MYH11: variants seen among roughly 807,000 people sequenced by gnomAD.
MYH11 encodes the protein myosin heavy chain 11, also known as myosin-11.
Under a neutral mutation model 246.6 loss-of-function variants are expected in MYH11, and 80 were observed. The observed-to-expected ratio is 0.32, with a 90% confidence interval of 0.27 to 0.39. The LOEUF is 0.39. Ranked by LOEUF, MYH11 falls within the 10% of genes least tolerant of loss-of-function variation. MYH11 has a pLI of 1.00. For synonymous variants in MYH11, 1,071 were observed against 1,015.5 expected (o/e 1.05, Z -1.04); for missense variants, 2,158 against 2,546.8 (o/e 0.85, Z 3.29).
chr16:15,721,680 A>G lies in MYH11; in HGVS notation c.4366-46T>C, dbSNP rs368134082. On this transcript the variant is annotated intron_variant, in intron 31 of 40. Coordinates refer to ENST00000300036, the MANE Select transcript of MYH11 (RefSeq NM_002474.3). ...GTGACTTCTAGGCATATCCGGGGTCAGCGTCACTGAATTGTAAATACCGGG... is the reference window on the plus strand; with the variant it reads ...GTGACTTCTAGGCATATCCGGGGTCGGCGTCACTGAATTGTAAATACCGGG... 2.2e-5 allele frequency: 35 copies of G among 1,597,124 alleles called. No homozygotes were observed. The African/African-American group carries it at 4.4e-4, about 20-fold the overall frequency.
chr16:15,733,403 TTA>T (rs1239210335), intron 26 of MYH11, among the ~76,000 whole-genome samples: 2 of 151,282 alleles, frequency 1.3e-5, no homozygotes, highest in African/African-American at 2.4e-5. Flanking sequence ...CCGGCTAATT[TTA>T]TATTTTTAGT....
intron 27 of MYH11, among the ~76,000 whole-genome samples, chr16:15,730,976 G>A (rs2040943481): frequency 6.6e-6 from 1 of 151,920 alleles, no homozygotes; most frequent in African/African-American, 2.4e-5. Context: ...ATCAAATAAT[G>A]ACAAGTTTCC....
intron 4 of MYH11, among the ~76,000 whole-genome samples, chr16:15,797,002 C>G (rs1484621316): frequency 1.3e-5 from 2 of 152,170 alleles, no homozygotes; most frequent in East Asian, 1.9e-4. Context: ...AATCCTCTTC[C>G]CTTTCCCCAC....
rs371637765 is a variant in MYH11, at chr16:15,764,763, G to A, written c.1034-872C>T. Among the ~76,000 whole-genome samples, 14 of 152,204 alleles carry A rather than the reference G, an allele frequency of 9.2e-5. No individual in the cohort carries two copies. The East Asian group carries it at 1.5e-3, about 17-fold the overall frequency. On this transcript the variant is annotated intron_variant, in intron 9 of 40. Coordinates refer to ENST00000300036, the MANE Select transcript of MYH11 (RefSeq NM_002474.3). ...TTTATAATAATTCTTTGCACTGCAC[G>A]CTATGGCATACACAATTTTCTCCAT...
At chr16:15,748,342 T>C in intron 16 of MYH11, among the ~76,000 whole-genome samples, 174 bp from the exon 17 acceptor site, 1 of 152,196 alleles carries the variant, frequency 6.6e-6, no homozygotes, top group East Asian at 1.9e-4. Flanking sequence ...CCTCTGGGTT[T>C]TCATCTCTTT....
At position 15,719,219 on chromosome 16, in the gene MYH11, C is replaced by T. The variant is rs2040334903; in HGVS notation, c.5171+1G>A. 2 of 1,613,670 alleles carry T rather than the reference C, an allele frequency of 1.2e-6. No individual in the cohort carries two copies. The highest frequency in any genetic ancestry group is 1.7e-6 in the Non-Finnish European group (2 of 1,179,966). ...CCCTCTTCCTCCATTCAGTTTCCTA[C>T]CTTCCCGACAGGCTACTGGCCAGCT... On this transcript the variant is annotated splice_donor_variant, in intron 36 of 40. Transcript: ENST00000300036. LOFTEE classifies it high-confidence loss of function.
At chr16:15,718,826 G>T in intron 36 of MYH11, 2 of 406,684 alleles carry the variant, frequency 4.9e-6, no homozygotes, top group South Asian at 4.7e-5. Flanking sequence ...GTCAGCAGCA[G>T]CATTGAAATG....
chr16:15,800,928 G>A (rs189680070), intron 3 of MYH11, among the ~76,000 whole-genome samples: 2 of 152,222 alleles, frequency 1.3e-5, no homozygotes, highest in East Asian at 1.9e-4. Flanking sequence ...TAGGCAGGCC[G>A]GGCGCAGTGG....
chr16:15,823,707 C>T lies in MYH11; in HGVS notation c.346-296G>A, dbSNP rs147801884. Among the ~76,000 whole-genome samples, 1,463 of 152,222 alleles carry T rather than the reference C, an allele frequency of 9.6e-3. 16 individuals are homozygous for T. Among genetic ancestry groups the T allele is most frequent in the South Asian group, 0.027 (128 of 4,828 alleles). ...TGGTGTGAACGTGACTCACTGAAACCTTGACCTTTCTGGACTCAGGTGATC... is the reference window on the plus strand; with the variant it reads ...TGGTGTGAACGTGACTCACTGAAACTTTGACCTTTCTGGACTCAGGTGATC... On this transcript the variant is annotated intron_variant, in intron 2 of 40. Transcript: ENST00000300036.
chr16:15,737,728 A>C, intron 24 of MYH11, 108 bp from the exon 25 acceptor site: 2 of 1,110,304 alleles, frequency 1.8e-6, no homozygotes, highest in Non-Finnish European at 2.7e-6. Context: ...ACATCCCCCA[A>C]TCAGTAACCA....
rs748516947 is a variant in MYH11, at chr16:15,714,963, G to T, written c.5732C>A (p.Thr1911Lys). The stretch of plus-strand genomic sequence containing the variant: ...GCGGCCCATGGCCTCGTTGCTCTCC[G>T]TGGCCTCATCCAGCTCCCGCTGCAG... ...RKLQRELDEATESNEAMGREV... is the reference protein window; with the variant it reads ...RKLQRELDEAKESNEAMGREV... Residue 1911 changes from threonine (T) to lysine (K), a missense_variant, in exon 40 of 41, where the codon ACG becomes AAG. By Grantham distance (78) the Thr-to-Lys change is moderately conservative (BLOSUM62 -1). Around this residue, in one of 11 missense-constraint regions of MYH11, gnomAD observed 1,013 missense variants for 993.5 expected, o/e 1.02. Coordinates refer to ENST00000300036, the MANE Select transcript of MYH11 (RefSeq NM_002474.3). 7 of 1,614,068 alleles carry T rather than the reference G, an allele frequency of 4.3e-6. No homozygotes were observed. Among genetic ancestry groups the T allele is most frequent in the Admixed American group, 1.7e-5 (1 of 60,020 alleles).
Position 15,720,263 on chromosome 16 carries a change from A to T in MYH11, c.4841T>A (p.Leu1614Gln). 6.2e-7 allele frequency: 1 copy of T among 1,614,106 alleles called. No individual in the cohort carries two copies. The highest frequency in any genetic ancestry group is 8.5e-7 in the Non-Finnish European group (1 of 1,180,004). Residue 1614 changes from leucine (L) to glutamine (Q), a missense_variant, in exon 34 of 41, where the codon CTG becomes CAG. Leu to Gln is a moderately radical substitution (Grantham distance 113). This residue lies in a region of MYH11 where 1,013 missense variants were observed against 993.5 expected (regional missense o/e 1.02). Transcript: ENST00000300036. Reference protein sequence around the residue: ...ELEDERKQRALAAAAKKKLEG... With the variant: ...ELEDERKQRAQAAAAKKKLEG... The stretch of plus-strand genomic sequence containing the variant: ...CAGCTTCTTCTTTGCTGCAGCTGCC[A>T]GGGCACGTTGCTTTCGCTCGTCTTC...
At chr16:15,746,717 C>T (rs538027395) in intron 19 of MYH11, among the ~76,000 whole-genome samples, 1 of 152,284 alleles carries the variant, frequency 6.6e-6, no homozygotes, top group Admixed American at 6.5e-5. Context: ...CCCTCCAAAA[C>T]CCTGCCTTAT....
chr16:15,775,853 T>A, intron 8 of MYH11: 1 of 598,410 alleles, frequency 1.7e-6, no homozygotes. Context: ...TAATTGGAGT[T>A]GATGGCTACT....
At chr16:15,764,588 G>C (rs1896615547) in intron 9 of MYH11, among the ~76,000 whole-genome samples, 2 of 152,154 alleles carry the variant, frequency 1.3e-5, no homozygotes, top group African/African-American at 4.8e-5. Context: ...GTCCATTCAA[G>C]AAGAGGCAAA....
chr16:15,725,701 C>T (rs2040720612), intron 28 of MYH11: 2 of 398,818 alleles, frequency 5.0e-6, no homozygotes, highest in Non-Finnish European at 8.8e-6. Flanking sequence ...TCTTCCCTCG[C>T]CCCTTGGTCC....
chr16:15,762,218 A>C (rs980721198), intron 10 of MYH11, among the ~76,000 whole-genome samples: 2 of 152,158 alleles, frequency 1.3e-5, no homozygotes, highest in Non-Finnish European at 1.5e-5. Flanking sequence ...CAAGTGATCC[A>C]CCTGCCTGGG....
At position 15,735,561 on chromosome 16, in the gene MYH11, G is replaced by A. The variant is rs886051759; in HGVS notation, c.3311C>T (p.Ala1104Val). The change falls in exon 26 of 41, where the codon GCT (alanine) becomes GTT (valine). Residue 1104 changes from alanine to valine, a missense_variant. Physicochemically the swap from Ala to Val is moderately conservative, Grantham distance 64. Transcript: ENST00000300036. ...AALARLDDEI[A>V]QKNNALKKIR... ...CTTCTTCAGGGCATTGTTCTTCTGA[G>A]CGATTTCATCGTCAAGCCTTCCAGG... 2 of 1,614,072 alleles carry A rather than the reference G, an allele frequency of 1.2e-6. No homozygotes were observed. The highest frequency in any genetic ancestry group is 1.7e-6 in the Non-Finnish European group (2 of 1,180,054).
intron 3 of MYH11, among the ~76,000 whole-genome samples, chr16:15,814,632 G>A (rs926893377): frequency 1.5e-4 from 21 of 137,814 alleles, no homozygotes; most frequent in African/African-American, 5.1e-4. Context: ...GGTGGGAAAC[G>A]ACCTAATTTC....
Sources: allele counts gnomAD v4.1 joint callset (sites outside exome capture counted in the v4.1 genomes callset), GRCh38; gene constraint gnomAD v4.1.1; regional missense constraint gnomAD v4.1.1; transcripts MANE v1.5; gene names NCBI Gene and HGNC (gene_info 2026-07-23, HGNC 2026-07-21).